SOX6: variants seen among roughly 807,000 people sequenced by gnomAD.
The protein encoded by SOX6 is transcription factor SOX-6.
SOX6 carries 11 observed loss-of-function variants against 97.8 expected under a neutral mutation model. The ratio of observed to expected loss-of-function variants is 0.11; its 90% CI spans 0.07 to 0.19. The LOEUF (loss-of-function observed/expected upper bound fraction) is 0.19, where lower values mean the gene tolerates loss of function less well. Among genes scored for constraint, SOX6 ranks in the 10% least tolerant of loss-of-function variants. The pLI is 1.00. For synonymous variants in SOX6, 360 were observed against 371.4 expected, an observed-to-expected ratio of 0.97 and a Z score of 0.35; for missense variants, 810 against 1,039.5, an observed-to-expected ratio of 0.78 and a Z score of 3.04.
chr11:16,619,865 A>G (rs1848519493), intron 3 of SOX6, among the ~76,000 whole-genome samples: 1 of 152,150 alleles, frequency 6.6e-6, no homozygotes, highest in African/African-American at 2.4e-5. Flanking sequence ...TGTGGATATT[A>G]TTATTGAAAT....
At chr11:16,706,857 C>A (rs542016502) in intron 3 of SOX6, among the ~76,000 whole-genome samples, 1 of 151,956 alleles carries the variant, frequency 6.6e-6, no homozygotes, top group Non-Finnish European at 1.5e-5. Context: ...TTATTCTAGG[C>A]AAAAATTCTC....
chr11:16,400,995 G>A (rs1268166768), intron 1 of SOX6, among the ~76,000 whole-genome samples: 2 of 151,414 alleles, frequency 1.3e-5, no homozygotes, highest in African/African-American at 4.8e-5. Flanking sequence ...TGTGATATCT[G>A]TGTTTGCATA....
intron 9 of SOX6, among the ~76,000 whole-genome samples, chr11:16,083,130 G>A (rs76615163): frequency 0.026 from 3,951 of 152,144 alleles, 174 homozygotes; most frequent in African/African-American, 0.09. Context: ...CTTCCCCAGG[G>A]GGAGCTAAGC....
chr11:16,381,964 A>T lies in SOX6; in HGVS notation c.-4-40712T>A, dbSNP rs1857835709. On this transcript the variant is annotated intron_variant, in intron 1 of 15. Transcript: ENST00000396356. Reference sequence around the variant, plus strand: ...GAAAAAAAACACACACATACAATAGATGTTCTAATCAAAGTCTGGTAATTT... The same window carrying T: ...GAAAAAAAACACACACATACAATAGTTGTTCTAATCAAAGTCTGGTAATTT... 2.0e-5 allele frequency among the ~76,000 whole-genome samples: 3 copies of T among 152,106 alleles called. No individual in the cohort carries two copies. In the South Asian group the frequency reaches 6.2e-4, roughly 32 times the overall value.
chr11:16,170,320 A>G (rs1056861878), intron 6 of SOX6, among the ~76,000 whole-genome samples: 11 of 151,910 alleles, frequency 7.2e-5, no homozygotes, highest in Non-Finnish European at 1.2e-4. Context: ...ACCACTTTTC[A>G]AAGTGTTTTC....
intron 3 of SOX6, among the ~76,000 whole-genome samples, chr11:16,290,042 A>G (rs950618659): frequency 6.6e-6 from 1 of 152,030 alleles, no homozygotes; most frequent in African/African-American, 2.4e-5. Flanking sequence ...AATGATTTCC[A>G]TGTTTCCATT....
chr11:16,057,722 T>A (rs181730883), intron 9 of SOX6, among the ~76,000 whole-genome samples: 1 of 152,290 alleles, frequency 6.6e-6, no homozygotes, highest in African/African-American at 2.4e-5. Flanking sequence ...GATTAATTAT[T>A]TAGGAACTAA....
chr11:16,554,572 C>T (rs780222924), intron 4 of SOX6, among the ~76,000 whole-genome samples: 50 of 152,026 alleles, frequency 3.3e-4, no homozygotes, highest in Non-Finnish European at 6.6e-4. Flanking sequence ...TATAGTGTTT[C>T]GTCCAAGTCT....
intron 1 of SOX6, among the ~76,000 whole-genome samples, chr11:16,377,716 T>C (rs148566441): frequency 8.5e-5 from 13 of 152,310 alleles, no homozygotes; most frequent in South Asian, 6.2e-4. Flanking sequence ...TTAATATCTA[T>C]AGCAGAAGAG....
At chr11:16,553,132 G>A (rs1028892198) in intron 4 of SOX6, among the ~76,000 whole-genome samples, 1 of 152,090 alleles carries the variant, frequency 6.6e-6, no homozygotes, top group African/African-American at 2.4e-5. Context: ...TTTCCTCCTA[G>A]TAATGCAGGA....
rs534225334 is a variant in SOX6 at position 16,179,399 on chromosome 11, T to C, written c.777+4487A>G. On this transcript the variant is annotated intron_variant, in intron 6 of 15. Transcript: ENST00000683767. The stretch of plus-strand genomic sequence containing the variant: ...TATAATCAAAATTAAAAACACTGTA[T>C]ATGAAAGATAATCATATATGCTTAA... Among the ~76,000 whole-genome samples, 11 of 152,028 alleles carry C rather than the reference T, an allele frequency of 7.2e-5. 1 individual carries two copies. In the South Asian group the frequency reaches 2.3e-3, roughly 32 times the overall value.
chr11:16,360,113 A>G (rs1269511256), upstream of SOX6, among the ~76,000 whole-genome samples: 1 of 152,214 alleles, frequency 6.6e-6, no homozygotes, highest in African/African-American at 2.4e-5. Flanking sequence ...TGCACAGGCT[A>G]TGTCTAAGAC....
At chr11:16,473,928 A>G (rs935652941) in intron 1 of SOX6, among the ~76,000 whole-genome samples, 1 of 152,238 alleles carries the variant, frequency 6.6e-6, no homozygotes, top group Non-Finnish European at 1.5e-5. Flanking sequence ...AGTTGGGTCA[A>G]TCCTCTCAAA....
At chr11:16,223,285 T>C (rs775155501) in intron 4 of SOX6, among the ~76,000 whole-genome samples, 29 of 152,162 alleles carry the variant, frequency 1.9e-4, no homozygotes, top group Non-Finnish European at 4.0e-4. Flanking sequence ...ATTAAGTTTA[T>C]GTCCTCGGAG....
upstream of SOX6, among the ~76,000 whole-genome samples, chr11:16,479,424 GGAGGC>G (rs1860305747): frequency 6.6e-6 from 1 of 151,886 alleles, no homozygotes; most frequent in Non-Finnish European, 1.5e-5. Flanking sequence ...CAGCTACTCA[GGAGGC>G]TGAGACATGA....
intron 3 of SOX6, among the ~76,000 whole-genome samples, chr11:16,640,834 A>T (rs1406325889): frequency 1.3e-5 from 2 of 151,700 alleles, no homozygotes; most frequent in Non-Finnish European, 2.9e-5. Context: ...GTGGTATATC[A>T]ATTTTGTTGA....
intron 4 of SOX6, among the ~76,000 whole-genome samples, chr11:16,557,421 T>C (rs1293384615): frequency 6.6e-6 from 1 of 151,856 alleles, no homozygotes; most frequent in Non-Finnish European, 1.5e-5. Flanking sequence ...ACATTCAACT[T>C]TCTTCTGGAC....
chr11:16,172,451 A>C (rs1336506403), intron 6 of SOX6, among the ~76,000 whole-genome samples: 2 of 152,048 alleles, frequency 1.3e-5, no homozygotes, highest in Admixed American at 6.6e-5. Flanking sequence ...TCTAAAAATC[A>C]CCTACAGCCA....
chr11:16,515,026 T>C, intron 4 of SOX6, among the ~76,000 whole-genome samples: 1 of 151,830 alleles, frequency 6.6e-6, no homozygotes, highest in Non-Finnish European at 1.5e-5. Flanking sequence ...TGTGTCTTTA[T>C]AGCAGCATGA....
Sources: gnomAD v4.1 joint callset for allele counts (sites outside exome capture counted in the v4.1 genomes callset) on GRCh38, gnomAD v4.1.1 for gene constraint, MANE v1.5 for transcripts, NCBI Gene and HGNC (gene_info 2026-07-23, HGNC 2026-07-21) for gene names.